SLC28A2: variants seen among roughly 807,000 people sequenced by gnomAD.
SLC28A2 encodes sodium/nucleoside cotransporter 2.
A neutral mutation model predicts 72.9 loss-of-function variants in SLC28A2; 69 were observed. That is an observed-to-expected ratio of 0.95 (90% CI 0.78 to 1.16). The LOEUF is 1.16. Ranked by LOEUF, SLC28A2 falls within the 50% of genes most tolerant of loss-of-function variation. The probability of loss-of-function intolerance (pLI) is 0.00; values close to 1 mark genes in which losing one functional copy is unlikely to be tolerated. For missense variants in SLC28A2, 745 were observed against 791.1 expected, an observed-to-expected ratio of 0.94 and a Z score of 0.70; for synonymous variants, 296 against 294.1, an observed-to-expected ratio of 1.01 and a Z score of -0.07.
intron 7 of SLC28A2, 26 bp downstream of exon 7, chr15:45,264,794 T>C (rs1957419241): frequency 4.9e-6 from 7 of 1,418,054 alleles, no homozygotes; most frequent in Non-Finnish European, 7.0e-6. Flanking sequence ...TGCGAGGGCT[T>C]TTCTCTTTTA....
Position 45,267,564 on chromosome 15 carries a change from C to G in SLC28A2, c.1052C>G (p.Ala351Gly). 1 of 1,614,122 alleles carries G rather than the reference C, an allele frequency of 6.2e-7. No homozygotes were observed. The highest frequency in any genetic ancestry group is 8.5e-7 in the Non-Finnish European group (1 of 1,180,012). ...ACCATTTCTGGCACTGTGCTGGGAGCCTTCATAGCCTTTGGGGTAGGCATA... is the reference window on the plus strand; with the variant it reads ...ACCATTTCTGGCACTGTGCTGGGAGGCTTCATAGCCTTTGGGGTAGGCATA... ...FATISGTVLG[A>G]FIAFGVDASS... Residue 351 changes from alanine (A) to glycine (G), a missense_variant, in exon 11 of 18, where the codon GCC (alanine) becomes GGC (glycine). Transcript: ENST00000347644.
chr15:45,271,303 T>G (rs1900555181), intron 15 of SLC28A2, among the ~76,000 whole-genome samples: 1 of 152,176 alleles, frequency 6.6e-6, no homozygotes, highest in African/African-American at 2.4e-5. Flanking sequence ...TGGTGGCTCA[T>G]GCCTGTAATC....
At chr15:45,271,946 C>A in intron 15 of SLC28A2, 1 of 215,242 alleles carries the variant, frequency 4.6e-6, no homozygotes, top group Non-Finnish European at 9.2e-6. Flanking sequence ...CTGGTCCAGG[C>A]TTAAGAGTGC....
chr15:45,264,773 G>T lies in SLC28A2; in HGVS notation c.702+5G>T. 1 of 1,570,012 alleles carries T rather than the reference G, an allele frequency of 6.4e-7. No individual in the cohort carries two copies. Among genetic ancestry groups the T allele is most frequent in the South Asian group, 1.1e-5 (1 of 90,042 alleles). The stretch of plus-strand genomic sequence containing the variant: ...TGGCTGGGAGAGCAGGTCCAGGTAT[G>T]AGAAATTAAATGCGAGGGCTTTTCT... On this transcript the variant is annotated splice_donor_5th_base_variant and intron_variant, in intron 7 of 17. Coordinates refer to ENST00000347644, the MANE Select transcript of SLC28A2 (RefSeq NM_004212.4).
At chr15:45,273,147 C>T (rs895215879) in intron 17 of SLC28A2, among the ~76,000 whole-genome samples, 2 of 151,972 alleles carry the variant, frequency 1.3e-5, no homozygotes, top group Non-Finnish European at 1.5e-5. Context: ...GGCAACATAG[C>T]GAGACCCTGT....
At chr15:45,271,697 G>A (rs1900578017) in intron 15 of SLC28A2, 1 of 152,100 alleles carries the variant, frequency 6.6e-6, no homozygotes, top group Non-Finnish European at 1.5e-5. Flanking sequence ...CTGGGGTAGA[G>A]TCATTTAATT....
Position 45,265,140 on chromosome 15 carries a change from C to T in SLC28A2, c.754C>T (p.Leu252=). The change falls in exon 8 of 18, where the codon CTG becomes TTG. Residue 252 remains leucine, a synonymous_variant. Coordinates refer to ENST00000347644, the MANE Select transcript of SLC28A2 (RefSeq NM_004212.4). ...AGSSFVFGDT[L]VKDVFAFQAL... The stretch of plus-strand genomic sequence containing the variant: ...CTCCAGTTTTGTCTTTGGGGATACA[C>T]TGGTCAAGGATGTCTTTGCTTTTCA... 3 of 1,611,176 alleles carry T rather than the reference C, an allele frequency of 1.9e-6. No homozygotes were observed. Among genetic ancestry groups the T allele is most frequent in the Non-Finnish European group, 2.5e-6 (3 of 1,177,346 alleles).
intron 8 of SLC28A2, 114 bp from the exon 9 acceptor site, chr15:45,265,468 AC>A: frequency 1.3e-6 from 1 of 773,430 alleles, no homozygotes; most frequent in Non-Finnish European, 2.3e-6. Context: ...TTGTGTAGGT[AC>A]TGAATACCTA....
At chr15:45,263,265 C>G (rs1900220504) in intron 5 of SLC28A2, 21 bp downstream of exon 5, 1 of 1,609,112 alleles carries the variant, frequency 6.2e-7, no homozygotes, top group Admixed American at 1.7e-5. Context: ...AATCTCAATA[C>G]CTGGCCTCAC....
intron 3 of SLC28A2, among the ~76,000 whole-genome samples, chr15:45,261,541 C>A (rs1489177195): frequency 1.3e-5 from 2 of 151,944 alleles, no homozygotes; most frequent in Admixed American, 1.3e-4. Flanking sequence ...GCCTGCACAT[C>A]CAGAGCAATT....
chr15:45,256,580 TG>T (rs1899987134), intron 3 of SLC28A2, among the ~76,000 whole-genome samples: 2 of 151,996 alleles, frequency 1.3e-5, no homozygotes, highest in Non-Finnish European at 2.9e-5. Flanking sequence ...ATTTTTTTTT[TG>T]TATTTTTAGT....
rs765210323 is a variant in SLC28A2, at chr15:45,275,538, A to T, written c.*25A>T. 1.6e-5 allele frequency: 23 copies of T among 1,430,568 alleles called. No homozygotes were observed. The highest frequency in any genetic ancestry group is 3.5e-4 in the Middle Eastern group (2 of 5,664). 88.6% of individuals were successfully genotyped at this position (1,430,568 alleles called of 1,614,324 possible). A position where few individuals can be genotyped will look rare whatever the true frequency, so the allele number is the denominator to read the frequency against. ...AGGCTGCTTGATCTATTTCTATAAC[A>T]GTTTTGATCTTAAAAGCTTTGTGAT... is the stretch of plus-strand genomic sequence containing the variant. On this transcript the variant is annotated 3_prime_UTR_variant, in exon 18 of 18. Transcript: ENST00000347644.
At chr15:45,253,136 T>C (rs1319742709) in intron 1 of SLC28A2, 64 bp from the exon 2 acceptor site, 1 of 1,060,180 alleles carries the variant, frequency 9.4e-7, no homozygotes, top group Non-Finnish European at 1.4e-6. Flanking sequence ...TCCTAAAAAT[T>C]CTCCCCATCC....
At chr15:45,252,341 T>C in intron 1 of SLC28A2, 63 bp downstream of exon 1, 1 of 454,920 alleles carries the variant, frequency 2.2e-6, no homozygotes, top group South Asian at 1.6e-5. Flanking sequence ...GAGATCATAT[T>C]TAAACTAAAT....
In SLC28A2 at chr15:45,275,638, T is replaced by TA. The variant is rs1218890250; in HGVS notation, c.*129dup. On this transcript the variant is annotated 3_prime_UTR_variant, in exon 18 of 18. Transcript: ENST00000347644. ...GTTTAACAGTAAGTAACAGTAAATG[T>TA]AAAAGATTCATTTTGGGCCGGGCTC... 7.3e-6 allele frequency: 5 copies of TA among 684,374 alleles called. No individual in the cohort carries two copies. The highest frequency in any genetic ancestry group is 7.2e-5 in the African/African-American group (4 of 55,812). 42.4% of individuals were successfully genotyped at this position (684,374 alleles called of 1,614,324 possible). A position where few individuals can be genotyped will look rare whatever the true frequency, so the allele number is the denominator to read the frequency against.
intron 3 of SLC28A2, chr15:45,256,090 T>C (rs1282744483): frequency 6.6e-6 from 1 of 152,092 alleles, no homozygotes; most frequent in Non-Finnish European, 1.5e-5. Context: ...ACTGCTCTGA[T>C]ATATAACATG....
chr15:45,272,195 GTGTTT>G, intron 15 of SLC28A2, 95 bp from the exon 16 acceptor site: 1 of 864,638 alleles, frequency 1.2e-6, no homozygotes, highest in Non-Finnish European at 1.9e-6. Context: ...TTCATCGGCT[GTGTTT>G]TGTTTCTCTG....
intron 3 of SLC28A2, among the ~76,000 whole-genome samples, chr15:45,260,283 A>G (rs950805893): frequency 6.6e-6 from 1 of 152,192 alleles, no homozygotes; most frequent in African/African-American, 2.4e-5. Flanking sequence ...ACCCAACCTG[A>G]TAAGCCAGAG....
At position 45,266,171 on chromosome 15, in the gene SLC28A2, T is replaced by C. The variant is rs749237223; in HGVS notation, c.942+10T>C. On this transcript the variant is annotated intron_variant, in intron 10 of 17. Transcript: ENST00000347644. ...CATCTTTGTGGGTATGGTAAGCACCTTGAGGACTTTTGGTCTTCTTCCCTC... is the reference window on the plus strand; with the variant it reads ...CATCTTTGTGGGTATGGTAAGCACCCTGAGGACTTTTGGTCTTCTTCCCTC... The C allele has an allele frequency of 6.3e-7, 1 of 1,597,172 alleles. No homozygotes were observed. Among genetic ancestry groups the C allele is most frequent in the East Asian group, 2.2e-5 (1 of 44,818 alleles).
Sources: allele counts gnomAD v4.1 joint callset (sites outside exome capture counted in the v4.1 genomes callset), GRCh38; gene constraint gnomAD v4.1.1; transcripts MANE v1.5; gene names NCBI Gene and HGNC (gene_info 2026-07-23, HGNC 2026-07-21).